Variants in RHOBTB2 observed in about 807,000 individuals in gnomAD.
RHOBTB2 encodes Rho related BTB domain containing 2.
Under a neutral mutation model 66.5 loss-of-function variants are expected in RHOBTB2, and 39 were observed. The ratio of observed to expected loss-of-function variants is 0.59; its 90% CI spans 0.45 to 0.77. RHOBTB2 has a LOEUF of 0.77. RHOBTB2 is among the 30% of genes least tolerant of loss of function. The probability of loss-of-function intolerance (pLI) is 0.00; values close to 1 mark genes in which losing one functional copy is unlikely to be tolerated. For synonymous variants in RHOBTB2, 390 were observed against 395.0 expected (o/e 0.99, Z 0.15); for missense variants, 755 against 999.1 (o/e 0.76, Z 3.29).
chr8:22,966,334 C>A, the RHOBTB2 span, among the ~76,000 whole-genome samples: 1 of 151,586 alleles, frequency 6.6e-6, no homozygotes. Flanking sequence ...GCCTGAGCAA[C>A]AGAGTAAGAC....
At chr8:22,962,086 A>C in the RHOBTB2 span, among the ~76,000 whole-genome samples, 8 of 146,684 alleles carry the variant, frequency 5.5e-5, no homozygotes, top group South Asian at 2.2e-4. Context: ...ACTTGAGTCC[A>C]GGAGTTGGAG....
intron 7 of RHOBTB2, among the ~76,000 whole-genome samples, chr8:23,013,250 TA>T (rs144311541): frequency 0.011 from 1,686 of 152,090 alleles, 60 homozygotes; most frequent in African/African-American, 0.039. Flanking sequence ...AATGAATTAT[TA>T]TAAAGAAAAT....
chr8:22,994,488 G>A (rs183754333), intron 2 of RHOBTB2: 334 of 872,602 alleles, frequency 3.8e-4, no homozygotes, highest in Non-Finnish European at 5.6e-4. Flanking sequence ...GGAGTAATTC[G>A]CGGTGTGCTC....
chr8:23,009,316 T>G (rs973680571), intron 6 of RHOBTB2, among the ~76,000 whole-genome samples: 11 of 152,078 alleles, frequency 7.2e-5, no homozygotes, highest in Non-Finnish European at 1.2e-4. Flanking sequence ...GATTGGAAAC[T>G]TAGGGTTGGA....
rs957744333 is a variant in RHOBTB2, at chr8:23,017,059, C to T, written c.1967-193C>T. Among the ~76,000 whole-genome samples, 3 of 152,192 alleles carry T rather than the reference C, an allele frequency of 2.0e-5. No individual in the cohort carries two copies. Among genetic ancestry groups the T allele is most frequent in the African/African-American group, 7.2e-5 (3 of 41,448 alleles). On this transcript the variant is annotated intron_variant, in intron 9 of 9. Coordinates refer to ENST00000251822, the MANE Select transcript of RHOBTB2 (RefSeq NM_015178.3). The surrounding 1 kb of genome is among the most constrained non-coding windows in gnomAD (Gnocchi z 5.3). ...GGAACCCAGCTGGAAAGGCCTTCCC[C>T]AGTGCTGACTTTCAGCCCTGCTCTT...
chr8:22,952,515 C>G, the RHOBTB2 span, among the ~76,000 whole-genome samples: 1 of 152,164 alleles, frequency 6.6e-6, no homozygotes, highest in Non-Finnish European at 1.5e-5. Flanking sequence ...GCAGCAACCT[C>G]AATTCTTGCC....
At chr8:23,001,312 C>A (rs150093957) in intron 1 of RHOBTB2, among the ~76,000 whole-genome samples, 1 of 150,278 alleles carries the variant, frequency 6.7e-6, no homozygotes, top group African/African-American at 2.5e-5. Flanking sequence ...AAGAGAGAGC[C>A]GGAGGGAGAG....
Position 23,006,069 on chromosome 8 carries a change from A to C in RHOBTB2, c.406A>C (p.Ile136Leu), listed in dbSNP as rs141992570. Residue 136 changes from isoleucine to leucine, a missense_variant, in exon 4 of 10, where the codon ATC (isoleucine) becomes CTC (leucine). By Grantham distance (5) the Ile-to-Leu change is conservative. Coordinates refer to ENST00000251822, the MANE Select transcript of RHOBTB2 (RefSeq NM_015178.3). This position sits in a 1 kb window ranked among gnomAD's most constrained non-coding sequence, Gnocchi z 6.1. ...IKHFCPRAPV[I>L]LVGCQLDLRY... The stretch of plus-strand genomic sequence containing the variant: ...GCACTTCTGCCCCCGAGCACCTGTC[A>C]TCTTGGTGGGCTGCCAGTTGGACCT... The C allele has an allele frequency of 6.2e-7, 1 of 1,613,234 alleles. No individual in the cohort carries two copies. Among genetic ancestry groups the C allele is most frequent in the South Asian group, 1.1e-5 (1 of 91,002 alleles).
chr8:23,009,100 T>C (rs1811057659), intron 6 of RHOBTB2, among the ~76,000 whole-genome samples: 1 of 149,504 alleles, frequency 6.7e-6, no homozygotes, highest in Admixed American at 6.7e-5. Context: ...GGTGGGAGGA[T>C]TGCCTGAGCC....
At chr8:22,976,537 T>C in the RHOBTB2 span, among the ~76,000 whole-genome samples, 6 of 152,084 alleles carry the variant, frequency 3.9e-5, no homozygotes, top group African/African-American at 1.2e-4. Flanking sequence ...AGAAGAAAAA[T>C]AAAAGAGAGT....
chr8:22,975,509 G>C, the RHOBTB2 span, among the ~76,000 whole-genome samples: 146 of 152,294 alleles, frequency 9.6e-4, no homozygotes, highest in Middle Eastern at 3.4e-3. Flanking sequence ...CTGGAGGCCT[G>C]AGGCTGAGAA....
chr8:23,005,254 C>T, intron 2 of RHOBTB2, 118 bp from the exon 3 acceptor site: 2 of 698,038 alleles, frequency 2.9e-6, no homozygotes, highest in Non-Finnish European at 5.2e-6. Context: ...CAGCCTTGTC[C>T]CTCCATGCCC....
chr8:22,971,436 C>T, the RHOBTB2 span, among the ~76,000 whole-genome samples: 4 of 151,904 alleles, frequency 2.6e-5, no homozygotes, highest in South Asian at 2.1e-4. Context: ...CCTTACATCT[C>T]GACCTCCCAA....
intron 6 of RHOBTB2, 67 bp downstream of exon 6, chr8:23,008,178 C>A: frequency 9.2e-7 from 1 of 1,091,172 alleles, no homozygotes; most frequent in Non-Finnish European, 1.4e-6. Context: ...ATCTGAGGCA[C>A]TGCCACTCAG....
the RHOBTB2 span, among the ~76,000 whole-genome samples, chr8:22,970,848 T>G: frequency 1.3e-5 from 2 of 152,222 alleles, no homozygotes; most frequent in African/African-American, 4.8e-5. Flanking sequence ...AGATGGTTGC[T>G]GCTAAACTGT....
chr8:23,017,531 C>T lies in RHOBTB2; in HGVS notation c.*62C>T. 1 of 1,544,936 alleles carries T rather than the reference C, an allele frequency of 6.5e-7. No homozygotes were observed. The highest frequency in any genetic ancestry group is 8.7e-7 in the Non-Finnish European group (1 of 1,143,534). On this transcript the variant is annotated 3_prime_UTR_variant, in exon 10 of 10. Transcript: ENST00000251822. The surrounding 1 kb of genome is among the most constrained non-coding windows in gnomAD (Gnocchi z 5.3). ...CCCCATCCGCCTTCACCCCTCTGCT[C>T]TTCCGCATCACCCCATCCACCTTAC...
chr8:22,951,865 T>C, the RHOBTB2 span, among the ~76,000 whole-genome samples: 3 of 152,078 alleles, frequency 2.0e-5, no homozygotes, highest in Non-Finnish European at 4.4e-5. Context: ...GGATTACAGG[T>C]GTGCGCCACC....
At chr8:23,012,548 C>G (rs1270929013) in intron 7 of RHOBTB2, among the ~76,000 whole-genome samples, 1 of 152,194 alleles carries the variant, frequency 6.6e-6, no homozygotes, top group East Asian at 1.9e-4. Flanking sequence ...AAGTTGAAAA[C>G]TTTTATTGCT....
At chr8:22,995,798 G>C, upstream of RHOBTB2, 1 of 1,529,418 alleles carries the variant, frequency 6.5e-7, no homozygotes, top group East Asian at 2.4e-5. Flanking sequence ...GCAGGGGATG[G>C]GGGGCGGAGC....
Sources: gnomAD v4.1 joint callset for allele counts (sites outside exome capture counted in the v4.1 genomes callset) on GRCh38, gnomAD v4.1.1 for gene constraint, Gnocchi (gnomAD v3.1) non-coding constraint, MANE v1.5 for transcripts, NCBI Gene and HGNC (gene_info 2026-07-23, HGNC 2026-07-21) for gene names.